The following NRG4 variants were observed in gnomAD, a reference collection of about 807,000 sequenced individuals.
The protein encoded by NRG4 is pro-neuregulin-4, membrane-bound isoform.
NRG4 carries 10 observed loss-of-function variants against 15.0 expected under a neutral mutation model. The ratio of observed to expected loss-of-function variants is 0.67; its 90% CI spans 0.41 to 1.13. The LOEUF is 1.13. Among genes scored for constraint, NRG4 ranks in the 50% most tolerant of loss-of-function variants. The pLI is 0.00. For missense variants in NRG4, 139 were observed against 140.2 expected (o/e 0.99, Z 0.04); for synonymous variants, 41 against 50.1 (o/e 0.82, Z 0.77).
intron 4 of NRG4, among the ~76,000 whole-genome samples, chr15:76,040,694 G>A (rs1383582666): frequency 1.3e-5 from 2 of 152,184 alleles, no homozygotes; most frequent in Non-Finnish European, 2.9e-5. Flanking sequence ...AAGGCAGGCA[G>A]ATCACAGATC....
intron 2 of NRG4, among the ~76,000 whole-genome samples, chr15:76,054,114 G>A (rs981687901): frequency 5.3e-5 from 8 of 150,476 alleles, no homozygotes; most frequent in Admixed American, 4.6e-4. Flanking sequence ...TTGAGATGGG[G>A]TGTCACACTG....
chr15:76,007,943 G>A (rs1472002307), intron 3 of NRG4, among the ~76,000 whole-genome samples: 2 of 151,982 alleles, frequency 1.3e-5, no homozygotes, highest in East Asian at 3.9e-4. Context: ...ATTTTCTAAG[G>A]TCTCCCCTGC....
At chr15:76,016,039 A>G (rs2034964401), upstream of NRG4, among the ~76,000 whole-genome samples, 1 of 152,150 alleles carries the variant, frequency 6.6e-6, no homozygotes, top group African/African-American at 2.4e-5. Flanking sequence ...TTATTGGTCT[A>G]TTCAGGGATT....
At chr15:76,017,623 G>C (rs2035024274) in intron 5 of NRG4, among the ~76,000 whole-genome samples, 1 of 152,120 alleles carries the variant, frequency 6.6e-6, no homozygotes, top group Non-Finnish European at 1.5e-5. Context: ...GAAATTCTGG[G>C]TTGAAAATTC....
intron 4 of NRG4, among the ~76,000 whole-genome samples, chr15:76,037,924 AAT>A (rs1567123102): frequency 8.4e-5 from 9 of 107,166 alleles, no homozygotes; most frequent in Non-Finnish European, 1.5e-4. Flanking sequence ...AGTCGGATAC[AAT>A]ACTAGACACA....
rs932863126 is a variant in NRG4 at position 75,977,408 on chromosome 15, A to G, written c.105-15434T>C. Among the ~76,000 whole-genome samples, 3 of 152,120 alleles carry G rather than the reference A, an allele frequency of 2.0e-5. No homozygotes were observed. Among genetic ancestry groups the G allele is most frequent in the Non-Finnish European group, 4.4e-5 (3 of 68,016 alleles). On this transcript the variant is annotated intron_variant, in intron 3 of 5. Transcript: ENST00000394907. This position sits in a 1 kb window ranked among gnomAD's most constrained non-coding sequence, Gnocchi z 4.9. ...AGCTAGCTCTGTGTCTGCCAAAATA[A>G]CCACCCAGTTTTGTGCTTGAAATCC...
rs1287404613 is a variant in NRG4 at position 75,956,208 on chromosome 15, A to G, written c.252-197T>C. 3.9e-5 allele frequency among the ~76,000 whole-genome samples: 6 copies of G among 152,208 alleles called. No homozygotes were observed. The East Asian group carries it at 1.2e-3, about 29-fold the overall frequency. ...ACCTGAAATTGTCAGTGATGCTTTA[A>G]AACTGTTCCCCATTATTTAACAAAT... On this transcript the variant is annotated intron_variant, in intron 4 of 5. Coordinates refer to ENST00000394907, the MANE Select transcript of NRG4 (RefSeq NM_138573.4).
chr15:75,954,265 GTT>G (rs774149763), intron 5 of NRG4, among the ~76,000 whole-genome samples: 7 of 135,998 alleles, frequency 5.1e-5, no homozygotes, highest in Admixed American at 1.5e-4. Context: ...TTGTTTTTTT[GTT>G]TTTTTTTTTT....
chr15:76,034,321 T>C (rs180859510), intron 5 of NRG4, among the ~76,000 whole-genome samples: 7 of 152,288 alleles, frequency 4.6e-5, no homozygotes, highest in Non-Finnish European at 8.8e-5. Flanking sequence ...CAGCCCACAA[T>C]CCACACCATT....
In NRG4 at chr15:76,049,094, G is replaced by A. The variant is rs144137634; in HGVS notation, c.-105+2973C>T. 2.7e-3 allele frequency among the ~76,000 whole-genome samples: 405 copies of A among 150,424 alleles called. 5 individuals carry two copies. The highest frequency in any genetic ancestry group is 0.01 in the Middle Eastern group (3 of 294). On this transcript the variant is annotated intron_variant, in intron 4 of 8. Transcript: ENST00000563910. ...GGATATGTCTGTCAACATTGTTCCA[G>A]GAAAACTTCTCTGAAATAAGAGGGT... is the stretch of plus-strand genomic sequence containing the variant.
At chr15:75,983,625 T>G (rs888502533) in intron 3 of NRG4, among the ~76,000 whole-genome samples, 107 of 151,938 alleles carry the variant, frequency 7.0e-4, no homozygotes, top group African/African-American at 2.5e-3. Context: ...AATAAAAAAC[T>G]CCTACAAATA....
chr15:76,027,820 T>C (rs1163885424), intron 5 of NRG4, among the ~76,000 whole-genome samples: 5 of 152,002 alleles, frequency 3.3e-5, no homozygotes, highest in African/African-American at 4.8e-5. Context: ...AATTGAAATA[T>C]CAAGTAACTT....
At chr15:76,046,744 A>G (rs2035878527) in intron 4 of NRG4, among the ~76,000 whole-genome samples, 1 of 151,206 alleles carries the variant, frequency 6.6e-6, no homozygotes, top group Non-Finnish European at 1.5e-5. Context: ...GTTCCATGAC[A>G]TTGGTCTGGG....
chr15:76,005,811 T>TGAG (rs1567105913), intron 3 of NRG4: 1 of 421,616 alleles, frequency 2.4e-6, no homozygotes, highest in Non-Finnish European at 4.7e-6. Flanking sequence ...TCGTGTAGAC[T>TGAG]GAGGAGGAGG....
intron 3 of NRG4, among the ~76,000 whole-genome samples, chr15:75,992,815 G>A (rs1323239543): frequency 6.6e-6 from 1 of 151,900 alleles, no homozygotes; most frequent in African/African-American, 2.4e-5. Flanking sequence ...TGTTTGTATG[G>A]GTGATCTATG....
rs71444946 is a variant in NRG4, at chr15:75,988,853, CTTTT to C, written c.104+20343_104+20346del. On this transcript the variant is annotated intron_variant, in intron 3 of 5. Coordinates refer to ENST00000394907, the MANE Select transcript of NRG4 (RefSeq NM_138573.4). ...ATAGAATCTAGAATCCTGCACCTTCCTTTTTTTTTTTTTTTTTTTTTTGAGACAA... is the reference window on the plus strand; with the variant it reads ...ATAGAATCTAGAATCCTGCACCTTCCTTTTTTTTTTTTTTTTTTGAGACAA... 8.2e-5 allele frequency among the ~76,000 whole-genome samples: 9 copies of C among 109,662 alleles called. No homozygotes were observed. In the South Asian group the frequency reaches 1.2e-3, roughly 14 times the overall value. 71.9% of individuals were successfully genotyped at this position (109,662 alleles called of 152,430 possible). A position where few individuals can be genotyped will look rare whatever the true frequency, so the allele number is the denominator to read the frequency against.
intron 2 of NRG4, among the ~76,000 whole-genome samples, chr15:76,053,871 T>C (rs2036085127): frequency 6.6e-6 from 1 of 151,030 alleles, no homozygotes; most frequent in Non-Finnish European, 1.5e-5. Flanking sequence ...TATACCACAA[T>C]TGGAATAGTG....
chr15:76,044,116 GC>G (rs1386408571), intron 4 of NRG4, among the ~76,000 whole-genome samples: 1 of 151,944 alleles, frequency 6.6e-6, no homozygotes, highest in Non-Finnish European at 1.5e-5. Context: ...TCCTGCCTCA[GC>G]CTCCCGAGTA....
At chr15:75,973,897 G>T (rs576467712) in intron 3 of NRG4, among the ~76,000 whole-genome samples, 74 of 152,266 alleles carry the variant, frequency 4.9e-4, no homozygotes, top group African/African-American at 1.5e-3. Context: ...GATTTAGGGA[G>T]GAGTCCCTCT....
Sources: gnomAD v4.1 joint callset for allele counts (sites outside exome capture counted in the v4.1 genomes callset) on GRCh38, gnomAD v4.1.1 for gene constraint, Gnocchi (gnomAD v3.1) non-coding constraint, MANE v1.5 for transcripts, NCBI Gene and HGNC (gene_info 2026-07-23, HGNC 2026-07-21) for gene names.